The following GUCY1A2 variants were observed in gnomAD, a reference collection of about 807,000 sequenced individuals.
The protein encoded by GUCY1A2 is guanylate cyclase soluble subunit alpha-2.
Under a neutral mutation model 63.5 loss-of-function variants are expected in GUCY1A2, and 27 were observed. The ratio of observed to expected loss-of-function variants is 0.43; its 90% CI spans 0.31 to 0.59. GUCY1A2 has a LOEUF of 0.59. Ranked by LOEUF, GUCY1A2 falls within the 20% of genes least tolerant of loss-of-function variation. The probability of loss-of-function intolerance (pLI) is 0.11; values close to 1 mark genes in which losing one functional copy is unlikely to be tolerated. For synonymous variants in GUCY1A2, 364 were observed against 343.5 expected (o/e 1.06, Z -0.66); for missense variants, 768 against 913.3 (o/e 0.84, Z 2.05).
chr11:106,929,226 C>CT (rs1565334828), intron 4 of GUCY1A2, among the ~76,000 whole-genome samples: 4 of 152,148 alleles, frequency 2.6e-5, no homozygotes. Context: ...ATAAAGCACT[C>CT]TTACAAGTAT....
intron 4 of GUCY1A2, among the ~76,000 whole-genome samples, chr11:106,823,033 A>G (rs1479181079): frequency 1.3e-5 from 2 of 152,194 alleles, no homozygotes; most frequent in Non-Finnish European, 2.9e-5. Context: ...CTATGAGATC[A>G]GAGAGAAGAA....
At chr11:106,916,038 T>C (rs1028710725) in intron 4 of GUCY1A2, among the ~76,000 whole-genome samples, 1 of 145,212 alleles carries the variant, frequency 6.9e-6, no homozygotes, top group African/African-American at 2.4e-5. Context: ...AAGGACATGA[T>C]CAAAATGCAC....
intron 1 of GUCY1A2, among the ~76,000 whole-genome samples, chr11:106,989,323 C>T (rs1329047808): frequency 1.3e-5 from 2 of 152,128 alleles, no homozygotes; most frequent in Non-Finnish European, 2.9e-5. Flanking sequence ...TTAAGCTCTT[C>T]TGAAACAAGA....
At chr11:106,862,147 T>C (rs773067553) in intron 4 of GUCY1A2, among the ~76,000 whole-genome samples, 2 of 152,044 alleles carry the variant, frequency 1.3e-5, no homozygotes, top group Non-Finnish European at 2.9e-5. Context: ...GAACACTGTT[T>C]TCTTCACCAG....
intron 6 of GUCY1A2, among the ~76,000 whole-genome samples, chr11:106,752,172 G>A (rs973630858): frequency 3.3e-5 from 5 of 152,020 alleles, no homozygotes; most frequent in African/African-American, 7.2e-5. Context: ...GATTTGAGCT[G>A]GCCAAGAAAG....
At chr11:106,755,858 T>G (rs1863964154) in intron 6 of GUCY1A2, among the ~76,000 whole-genome samples, 1 of 152,174 alleles carries the variant, frequency 6.6e-6, no homozygotes, top group Non-Finnish European at 1.5e-5. Context: ...AGATGCCTAT[T>G]AGGTCCACTC....
At chr11:106,868,935 T>C (rs982837942) in intron 4 of GUCY1A2, among the ~76,000 whole-genome samples, 10 of 151,626 alleles carry the variant, frequency 6.6e-5, no homozygotes, top group South Asian at 2.1e-4. Context: ...CAGAACAGAG[T>C]CCTCAGAAAT....
At chr11:106,808,352 T>G (rs979543568) in intron 5 of GUCY1A2, among the ~76,000 whole-genome samples, 4 of 152,042 alleles carry the variant, frequency 2.6e-5, no homozygotes, top group Non-Finnish European at 5.9e-5. Flanking sequence ...TGTCCACGGT[T>G]TAATAATATA....
At chr11:106,708,765 A>AATAAT (rs1304403194) in intron 6 of GUCY1A2, 99 bp from the exon 7 acceptor site, 159 of 716,706 alleles carry the variant, frequency 2.2e-4, no homozygotes, top group Non-Finnish European at 2.7e-4. Flanking sequence ...ATAATAATAA[A>AATAAT]AAAAAACTAT....
chr11:106,943,138 T>C (rs1019161565), intron 3 of GUCY1A2, among the ~76,000 whole-genome samples: 3 of 152,192 alleles, frequency 2.0e-5, no homozygotes, highest in African/African-American at 7.2e-5. Context: ...TTTACAAATA[T>C]ACAAGTCAAT....
intron 4 of GUCY1A2, among the ~76,000 whole-genome samples, chr11:106,867,342 T>C (rs911008832): frequency 6.6e-6 from 1 of 152,092 alleles, no homozygotes; most frequent in Non-Finnish European, 1.5e-5. Flanking sequence ...AACACCACAG[T>C]GTCTAGGAGA....
intron 7 of GUCY1A2, among the ~76,000 whole-genome samples, chr11:106,706,476 T>A (rs1475105109): frequency 6.6e-6 from 1 of 151,800 alleles, no homozygotes; most frequent in South Asian, 2.1e-4. Flanking sequence ...AGGATCATCA[T>A]AAACTGTGAA....
chr11:106,709,331 TAA>T (rs1276050798), intron 6 of GUCY1A2, among the ~76,000 whole-genome samples: 2 of 49,642 alleles, frequency 4.0e-5, no homozygotes, highest in South Asian at 1.2e-3. Flanking sequence ...ATATATTATA[TAA>T]ATATATATAA....
chr11:106,951,423 T>C (rs1393688460), intron 3 of GUCY1A2, among the ~76,000 whole-genome samples: 1 of 152,250 alleles, frequency 6.6e-6, no homozygotes, highest in Non-Finnish European at 1.5e-5. Flanking sequence ...GACTTTTTAA[T>C]AATCACCATT....
chr11:107,018,277 T>TCGGCGG lies in GUCY1A2; in HGVS notation c.-228_-223dup, dbSNP rs1311413054. 4.2e-5 allele frequency: 6 copies of TCGGCGG among 141,992 alleles called. No homozygotes were observed. The highest frequency in any genetic ancestry group is 1.5e-4 in the African/African-American group (6 of 39,234). 8.8% of individuals were successfully genotyped at this position (141,992 alleles called of 1,614,324 possible). On this transcript the variant is annotated 5_prime_UTR_variant, in exon 1 of 8. Coordinates refer to ENST00000526355, the MANE Select transcript of GUCY1A2 (RefSeq NM_000855.3). The stretch of plus-strand genomic sequence containing the variant: ...CGCCGCCGCACCTTGGGGCCCGGGC[T>TCGGCGG]CGGCGGCGGCGCCGGGCTGGGCTGG...
In GUCY1A2 at chr11:106,746,396, T is replaced by C. The variant is rs939646622; in HGVS notation, c.1836+30043A>G. ...GCTCTAAATAATATTTGGGACAAAG[T>C]AGAGTCTCAACAAACTACCAGTACT... On this transcript the variant is annotated intron_variant, in intron 6 of 7. Transcript: ENST00000526355. Among the ~76,000 whole-genome samples, 5 of 152,272 alleles carry C rather than the reference T, an allele frequency of 3.3e-5. No homozygotes were observed. In the East Asian group the frequency reaches 7.7e-4, roughly 24 times the overall value.
chr11:106,696,402 CA>C (rs1862720207), intron 7 of GUCY1A2, among the ~76,000 whole-genome samples: 1 of 152,004 alleles, frequency 6.6e-6, no homozygotes, highest in Non-Finnish European at 1.5e-5. Flanking sequence ...CTTCTCTGAC[CA>C]AAAGTCTTTC....
At chr11:107,004,990 T>G (rs973969207) in intron 1 of GUCY1A2, among the ~76,000 whole-genome samples, 2 of 152,204 alleles carry the variant, frequency 1.3e-5, no homozygotes, top group African/African-American at 4.8e-5. Flanking sequence ...ATGACCATGG[T>G]AAGGCATCAC....
intron 4 of GUCY1A2, among the ~76,000 whole-genome samples, chr11:106,902,858 C>A (rs951736): frequency 0.16 from 23,800 of 152,038 alleles, 2,164 homozygotes; most frequent in South Asian, 0.27. Flanking sequence ...GGAGGATGTG[C>A]ATAGGTTATA....
Sources: allele counts gnomAD v4.1 joint callset (sites outside exome capture counted in the v4.1 genomes callset), GRCh38; gene constraint gnomAD v4.1.1; transcripts MANE v1.5; gene names NCBI Gene and HGNC (gene_info 2026-07-23, HGNC 2026-07-21).